SLC1A2: variants seen among roughly 807,000 people sequenced by gnomAD.
SLC1A2 encodes solute carrier family 1 member 2, also known as excitatory amino acid transporter 2.
A neutral mutation model predicts 48.8 loss-of-function variants in SLC1A2; 15 were observed. That is an observed-to-expected ratio of 0.31 (90% CI 0.21 to 0.47). SLC1A2 has a LOEUF of 0.47. Ranked by LOEUF, SLC1A2 falls within the 20% of genes least tolerant of loss-of-function variation. The pLI, the probability that SLC1A2 is intolerant of heterozygous loss-of-function variation, is 0.99. For synonymous variants in SLC1A2, 279 were observed against 272.6 expected (o/e 1.02, Z -0.23); for missense variants, 502 against 730.5 (o/e 0.69, Z 3.61).
chr11:35,360,452 C>T (rs906328885), intron 1 of SLC1A2, among the ~76,000 whole-genome samples: 7 of 152,168 alleles, frequency 4.6e-5, no homozygotes, highest in African/African-American at 1.4e-4. Context: ...GGGTGCCTAC[C>T]TTCACTTCTC....
intron 1 of SLC1A2, among the ~76,000 whole-genome samples, chr11:35,356,478 C>T (rs1853469608): frequency 6.6e-6 from 1 of 152,246 alleles, no homozygotes; most frequent in Non-Finnish European, 1.5e-5. Context: ...ACTCCCAGCA[C>T]TCCCCTGGAA....
At chr11:35,277,862 G>C (rs1850491336) in intron 9 of SLC1A2, among the ~76,000 whole-genome samples, 2 of 152,184 alleles carry the variant, frequency 1.3e-5, no homozygotes, top group Non-Finnish European at 2.9e-5. Context: ...TCTGTCTCTA[G>C]ACCACTGCCA....
intron 1 of SLC1A2, among the ~76,000 whole-genome samples, chr11:35,389,832 C>G (rs1854706168): frequency 6.6e-6 from 1 of 151,890 alleles, no homozygotes; most frequent in Non-Finnish European, 1.5e-5. Flanking sequence ...AGGCTGGTCT[C>G]AAACTCCTGG....
intron 1 of SLC1A2, among the ~76,000 whole-genome samples, chr11:35,416,328 A>G (rs1206853388): frequency 1.3e-5 from 2 of 152,234 alleles, no homozygotes; most frequent in Non-Finnish European, 2.9e-5. Context: ...TGATAACCCC[A>G]AAGCTTTGCC....
At chr11:35,276,565 T>G (rs1170610882) in intron 9 of SLC1A2, among the ~76,000 whole-genome samples, 1 of 152,162 alleles carries the variant, frequency 6.6e-6, no homozygotes, top group East Asian at 1.9e-4. Flanking sequence ...CATGGGGTGA[T>G]CTGGGAGGGC....
chr11:35,416,476 G>C (rs1401666759), intron 1 of SLC1A2, among the ~76,000 whole-genome samples: 1 of 152,214 alleles, frequency 6.6e-6, no homozygotes, highest in African/African-American at 2.4e-5. Flanking sequence ...AGCTTTGAAA[G>C]TGAAGTGTTA....
intron 1 of SLC1A2, among the ~76,000 whole-genome samples, chr11:35,324,708 T>C (rs1852184639): frequency 6.6e-6 from 1 of 152,154 alleles, no homozygotes; most frequent in African/African-American, 2.4e-5. Flanking sequence ...AGCCTCCCTA[T>C]GATGGAATGA....
intron 1 of SLC1A2, among the ~76,000 whole-genome samples, chr11:35,318,256 G>C (rs1377067816): frequency 1.3e-5 from 2 of 152,146 alleles, no homozygotes; most frequent in Non-Finnish European, 2.9e-5. Context: ...AGCCATCCTG[G>C]GAGTCTGCCC....
chr11:35,307,790 C>G (rs953658352), intron 4 of SLC1A2, among the ~76,000 whole-genome samples: 3 of 152,210 alleles, frequency 2.0e-5, no homozygotes, highest in African/African-American at 7.2e-5. Context: ...CAATGCTGAA[C>G]TGCCAGTTAT....
In SLC1A2 at chr11:35,306,123, C is replaced by G. The variant is rs1190691064; in HGVS notation, c.681G>C (p.Lys227Asn). The part of the protein sequence containing the change: ...ETVTEVPEET[K>N]MVIKKGLEFK... Reference sequence around the variant, plus strand: ...ACTCCAGGCCCTTCTTGATAACCATCTTAGTCTCCTCCGGCACCTCAGTCA... The same window carrying G: ...ACTCCAGGCCCTTCTTGATAACCATGTTAGTCTCCTCCGGCACCTCAGTCA... Residue 227 changes from lysine to asparagine, a missense_variant, in exon 5 of 11, where the codon AAG becomes AAC. Physicochemically the swap from Lys to Asn is moderately conservative, Grantham distance 94. Transcript: ENST00000278379. 6.2e-6 allele frequency: 10 copies of G among 1,614,068 alleles called. No homozygotes were observed. Among genetic ancestry groups the G allele is most frequent in the Non-Finnish European group, 8.5e-6 (10 of 1,179,936 alleles).
chr11:35,291,895 G>C (rs540044464), intron 7 of SLC1A2: 1 of 177,678 alleles, frequency 5.6e-6, no homozygotes, highest in Non-Finnish European at 1.2e-5. Context: ...AATCTTCAAA[G>C]AGTAATATTT....
chr11:35,412,156 CA>C lies in SLC1A2; in HGVS notation c.17+6793del, dbSNP rs57354116. On this transcript the variant is annotated intron_variant, in intron 1 of 10. Transcript: ENST00000278379. ...TACAAAACACAGTACAATTAGATGA[CA>C]AAAAAAACCTAAAAACTCAGTAACA... Among the ~76,000 whole-genome samples, 8 of 151,040 alleles carry C rather than the reference CA, an allele frequency of 5.3e-5. 1 individual carries two copies. In the South Asian group the frequency reaches 1.1e-3, roughly 20 times the overall value.
chr11:35,332,713 T>TC (rs1852470930), intron 1 of SLC1A2, among the ~76,000 whole-genome samples: 1 of 152,036 alleles, frequency 6.6e-6, no homozygotes, highest in African/African-American at 2.4e-5. Flanking sequence ...ATCCTCCCTC[T>TC]CCCCATCTGC....
chr11:35,327,723 G>A (rs1048918459), intron 1 of SLC1A2, among the ~76,000 whole-genome samples: 6 of 152,186 alleles, frequency 3.9e-5, no homozygotes, highest in African/African-American at 1.4e-4. Flanking sequence ...CATTCATCAA[G>A]AGTTAATGAC....
chr11:35,343,806 GCA>G lies in SLC1A2; in HGVS notation c.18-26292_18-26291del, dbSNP rs199618679. ...GATGTGCACAGACACACACACAGAGGCACACACACACATTTTTACACAGACAC... is the reference window on the plus strand; with the variant it reads ...GATGTGCACAGACACACACACAGAGGCACACACACATTTTTACACAGACAC... On this transcript the variant is annotated intron_variant, in intron 1 of 10. Transcript: ENST00000278379. 2.0e-3 allele frequency among the ~76,000 whole-genome samples: 298 copies of G among 151,108 alleles called. 1 individual carries two copies. The highest frequency in any genetic ancestry group is 6.9e-3 in the African/African-American group (282 of 41,100).
At chr11:35,419,798 C>G (rs183507149), upstream of SLC1A2, 332 of 336,212 alleles carry the variant, frequency 9.9e-4, 3 homozygotes, top group African/African-American at 6.9e-3. The surrounding 1 kb of genome is among the most constrained non-coding windows in gnomAD (Gnocchi z 5.4). Context: ...CGGGGTGAAG[C>G]GCAGGCGACC....
chr11:35,415,555 C>T (rs141732914), intron 1 of SLC1A2, among the ~76,000 whole-genome samples: 65 of 152,350 alleles, frequency 4.3e-4, no homozygotes, highest in African/African-American at 1.3e-3. Flanking sequence ...AATAAGTCCA[C>T]GCTGTAGGGT....
intron 6 of SLC1A2, among the ~76,000 whole-genome samples, chr11:35,292,728 G>T (rs796847713): frequency 3.9e-5 from 6 of 152,018 alleles, no homozygotes; most frequent in African/African-American, 1.4e-4. Context: ...CTGCTCTGAT[G>T]AAAAGTCCAA....
chr11:35,267,367 C>T (rs1371462341), intron 9 of SLC1A2, among the ~76,000 whole-genome samples: 5 of 152,136 alleles, frequency 3.3e-5, no homozygotes, highest in Non-Finnish European at 5.9e-5. Context: ...ATCTCCAATA[C>T]ATAAGGTTGT....
Sources: gnomAD v4.1 joint callset for allele counts (sites outside exome capture counted in the v4.1 genomes callset) on GRCh38, gnomAD v4.1.1 for gene constraint, Gnocchi (gnomAD v3.1) non-coding constraint, MANE v1.5 for transcripts, NCBI Gene and HGNC (gene_info 2026-07-23, HGNC 2026-07-21) for gene names.